SMAD9: variants seen among roughly 807,000 people sequenced by gnomAD.
The protein encoded by SMAD9 is MAD homolog 9.
A neutral mutation model predicts 46.1 loss-of-function variants in SMAD9; 36 were observed. The ratio of observed to expected loss-of-function variants is 0.78; its 90% CI spans 0.60 to 1.03. The LOEUF (loss-of-function observed/expected upper bound fraction) is 1.03, where lower values mean the gene tolerates loss of function less well. Ranked by LOEUF, SMAD9 falls within the 50% of genes least tolerant of loss-of-function variation. The pLI is 0.00. For missense variants in SMAD9, 572 were observed against 599.8 expected (o/e 0.95, Z 0.48); for synonymous variants, 245 against 237.1 (o/e 1.03, Z -0.31).
rs2058095573 is a variant in SMAD9 at position 36,853,686 on chromosome 13, A to G, written c.1004-11T>C. 6.2e-7 allele frequency: 1 copy of G among 1,613,550 alleles called. No individual in the cohort carries two copies. On this transcript the variant is annotated splice_polypyrimidine_tract_variant and intron_variant, in intron 5 of 6. Coordinates refer to ENST00000379826, the MANE Select transcript of SMAD9 (RefSeq NM_001127217.3). ...AGTACAAGTGCACACCTGCAGACAC[A>G]AAAACACAGCCTTCCTTCACATGCC...
intron 1 of SMAD9, among the ~76,000 whole-genome samples, chr13:36,886,782 A>C (rs2058448575): frequency 6.6e-6 from 1 of 152,246 alleles, no homozygotes; most frequent in Non-Finnish European, 1.5e-5. Context: ...CAATGAGATC[A>C]AGAGGACGAG....
rs1010658127 is a variant in SMAD9, at chr13:36,879,813, G to A, written c.-124C>T. On this transcript the variant is annotated 5_prime_UTR_variant, in exon 2 of 7. Coordinates refer to ENST00000379826, the MANE Select transcript of SMAD9 (RefSeq NM_001127217.3). ...CCGCCCGTTCTTCTGGGAGCAGCTG[G>A]GACCAATTCAAGTTGCGAAGTGTGT... 9.3e-7 allele frequency: 1 copy of A among 1,078,928 alleles called. No homozygotes were observed. The highest frequency in any genetic ancestry group is 2.0e-5 in the Admixed American group (1 of 49,722). 66.8% of individuals were successfully genotyped at this position (1,078,928 alleles called of 1,614,324 possible).
At chr13:36,905,122 AC>A (rs2058608045) in intron 1 of SMAD9, among the ~76,000 whole-genome samples, 1 of 152,174 alleles carries the variant, frequency 6.6e-6, no homozygotes, top group African/African-American at 2.4e-5. Context: ...GGGAGGTGCC[AC>A]TGGCCTCTAG....
At chr13:36,861,543 C>A (rs1051390298) in intron 5 of SMAD9, among the ~76,000 whole-genome samples, 1 of 147,896 alleles carries the variant, frequency 6.8e-6, no homozygotes, top group Admixed American at 6.6e-5. Context: ...CTCGAACTCC[C>A]GACCTCAGGT....
chr13:36,902,295 C>T (rs1266990497), intron 1 of SMAD9, among the ~76,000 whole-genome samples: 2 of 152,136 alleles, frequency 1.3e-5, no homozygotes, highest in Non-Finnish European at 2.9e-5. Context: ...AAATCCTTGT[C>T]AAAAATCAAT....
At chr13:36,909,853 GT>G (rs1424051189) in intron 1 of SMAD9, among the ~76,000 whole-genome samples, 1 of 152,128 alleles carries the variant, frequency 6.6e-6, no homozygotes, top group Non-Finnish European at 1.5e-5. Context: ...GTATACTTCT[GT>G]TTATTCCTCC....
chr13:36,897,942 T>C (rs4119480), intron 1 of SMAD9, among the ~76,000 whole-genome samples: 35,137 of 148,918 alleles, frequency 0.24, 4,220 homozygotes, highest in African/African-American at 0.28. Flanking sequence ...CTGCAAGCTC[T>C]GCCTCCCAGG....
chr13:36,910,573 T>C (rs1349104500), intron 1 of SMAD9, among the ~76,000 whole-genome samples: 1 of 152,206 alleles, frequency 6.6e-6, no homozygotes, highest in Non-Finnish European at 1.5e-5. Context: ...GTTCGCAATC[T>C]GGCCTCCCCA....
At chr13:36,879,194 C>G in intron 2 of SMAD9, 84 bp downstream of exon 2, 1 of 1,208,274 alleles carries the variant, frequency 8.3e-7, no homozygotes, top group Non-Finnish European at 1.2e-6. Context: ...AGGTCCCTGT[C>G]TGCTGGTGCC....
At chr13:36,866,869 A>C (rs906906301) in intron 4 of SMAD9, among the ~76,000 whole-genome samples, 1 of 152,220 alleles carries the variant, frequency 6.6e-6, no homozygotes, top group Non-Finnish European at 1.5e-5. Flanking sequence ...TATAAGATGC[A>C]AATAAAATTT....
chr13:36,913,393 C>T (rs1396833260), intron 1 of SMAD9, among the ~76,000 whole-genome samples: 1 of 152,112 alleles, frequency 6.6e-6, no homozygotes, highest in East Asian at 1.9e-4. Context: ...ACAATAGACA[C>T]AGAGTAAATA....
Position 36,868,492 on chromosome 13 carries a change from C to G in SMAD9, c.671-1109G>C, listed in dbSNP as rs577732345. The stretch of plus-strand genomic sequence containing the variant: ...CAGTGGCTCACACCTGTAATCTTAG[C>G]ATTTTGGAAGGCTGAAGTGGGAGGA... On this transcript the variant is annotated intron_variant, in intron 3 of 6. Coordinates refer to ENST00000379826, the MANE Select transcript of SMAD9 (RefSeq NM_001127217.3). Among the ~76,000 whole-genome samples, 74 of 152,246 alleles carry G rather than the reference C, an allele frequency of 4.9e-4. 1 individual carries two copies. In the South Asian group the frequency reaches 0.015, roughly 30 times the overall value.
chr13:36,893,028 A>G (rs960393922), intron 1 of SMAD9, among the ~76,000 whole-genome samples: 1 of 152,190 alleles, frequency 6.6e-6, no homozygotes, highest in African/African-American at 2.4e-5. Flanking sequence ...GCAAGTGTTG[A>G]TAAGAATGTG....
chr13:36,848,238 G>T lies in SMAD9; in HGVS notation c.*438C>A. On this transcript the variant is annotated 3_prime_UTR_variant, in exon 7 of 7. Coordinates refer to ENST00000379826, the MANE Select transcript of SMAD9 (RefSeq NM_001127217.3). The stretch of plus-strand genomic sequence containing the variant: ...CACTAAAAGTGACATCATTTAAACT[G>T]TAGGGGTTTCACTGCTTTGTTTCAT... 5.9e-6 allele frequency: 1 copy of T among 169,202 alleles called. No individual in the cohort carries two copies. Among genetic ancestry groups the T allele is most frequent in the Non-Finnish European group, 1.3e-5 (1 of 77,996 alleles). 10.5% of individuals were successfully genotyped at this position (169,202 alleles called of 1,614,324 possible).
chr13:36,904,304 T>C (rs2058601452), intron 1 of SMAD9, among the ~76,000 whole-genome samples: 1 of 152,208 alleles, frequency 6.6e-6, no homozygotes, highest in Admixed American at 6.5e-5. Context: ...CGACTCTTGA[T>C]CTTCCTTGCC....
At position 36,883,455 on chromosome 13, in the gene SMAD9, T is replaced by C. The variant is rs117990114; in HGVS notation, c.-186-3580A>G. Among the ~76,000 whole-genome samples the C allele has an allele frequency of 3.6e-3, 545 of 152,262 alleles. 6 individuals are homozygous for C. Among genetic ancestry groups the C allele is most frequent in the Middle Eastern group, 0.01 (3 of 294 alleles). ...AAAGGATTTAAATCACAGTTAAAAA[T>C]AAATAAATAAACTGGCCAGGCACAG... On this transcript the variant is annotated intron_variant, in intron 1 of 6. Transcript: ENST00000379826.
Position 36,865,669 on chromosome 13 carries a change from C to T in SMAD9, c.871G>A (p.Ala291Thr), listed in dbSNP as rs2058225845. The change falls in exon 5 of 7, where the codon GCT (alanine) becomes ACT (threonine). Residue 291 changes from alanine (A) to threonine (T), a missense_variant. By Grantham distance (58) the Ala-to-Thr change is moderately conservative. Coordinates refer to ENST00000379826, the MANE Select transcript of SMAD9 (RefSeq NM_001127217.3). The part of the protein sequence containing the change: ...LNNRVGETFQ[A>T]SSRSVLIDGF... ...TCTATGAGCACACTTCGGGAGGAAG[C>T]CTGGAATGTCTCCCCAACTCGGTTG... 6.2e-7 allele frequency: 1 copy of T among 1,614,122 alleles called. No homozygotes were observed. The highest frequency in any genetic ancestry group is 8.5e-7 in the Non-Finnish European group (1 of 1,180,006).
At chr13:36,873,018 G>A (rs2058311278) in intron 2 of SMAD9, 103 bp from the exon 3 acceptor site, 1 of 1,364,146 alleles carries the variant, frequency 7.3e-7, no homozygotes, top group Non-Finnish European at 1.0e-6. Context: ...TTATGATAGA[G>A]CTGTTTTTCC....
intron 6 of SMAD9, chr13:36,850,106 T>C (rs923705362): frequency 6.6e-6 from 1 of 152,216 alleles, no homozygotes; most frequent in Non-Finnish European, 1.5e-5. Flanking sequence ...CCAACAAAAC[T>C]TTTCTTGTCA....
Sources: gnomAD v4.1 joint callset for allele counts (sites outside exome capture counted in the v4.1 genomes callset) on GRCh38, gnomAD v4.1.1 for gene constraint, MANE v1.5 for transcripts, NCBI Gene and HGNC (gene_info 2026-07-23, HGNC 2026-07-21) for gene names.